AKAP19: variants seen among roughly 807,000 people sequenced by gnomAD.
AKAP19 encodes small A-kinase anchoring protein.
chr2:190,121,586 T>C, the AKAP19 span, among the ~76,000 whole-genome samples: 2 of 152,232 alleles, frequency 1.3e-5, no homozygotes, highest in Non-Finnish European at 2.9e-5. Flanking sequence ...TATTTTCATC[T>C]ATCTCTGGGT....
the AKAP19 span, among the ~76,000 whole-genome samples, chr2:189,906,885 A>T: frequency 6.6e-6 from 1 of 152,192 alleles, no homozygotes; most frequent in Admixed American, 6.5e-5. Context: ...AGAAATTTCA[A>T]TTTCATGTGA....
chr2:190,058,942 A>G, the AKAP19 span, among the ~76,000 whole-genome samples: 130 of 151,874 alleles, frequency 8.6e-4, no homozygotes, highest in Non-Finnish European at 1.7e-3. Context: ...CAATTCATCT[A>G]TGTAGCCAGA....
the AKAP19 span, among the ~76,000 whole-genome samples, chr2:189,882,114 AC>A: frequency 1.3e-5 from 2 of 152,128 alleles, no homozygotes; most frequent in Admixed American, 6.5e-5. Context: ...TCCAAGATAA[AC>A]TTGGGGCTCC....
chr2:190,132,332 C>T, the AKAP19 span, among the ~76,000 whole-genome samples: 9 of 152,146 alleles, frequency 5.9e-5, no homozygotes, highest in East Asian at 7.7e-4. Context: ...CCCTGAATAG[C>T]GAATGCAATC....
the AKAP19 span, among the ~76,000 whole-genome samples, chr2:189,951,205 T>C: frequency 7.1e-6 from 1 of 140,382 alleles, no homozygotes; most frequent in Non-Finnish European, 1.5e-5. Flanking sequence ...TTTTTTTTTT[T>C]TTTTTTTTTT....
the AKAP19 span, among the ~76,000 whole-genome samples, chr2:189,883,835 G>C: frequency 1.3e-5 from 2 of 152,058 alleles, no homozygotes; most frequent in African/African-American, 4.8e-5. Context: ...AACAAAATAA[G>C]AGCAATATAA....
chr2:190,127,204 A>T, the AKAP19 span, among the ~76,000 whole-genome samples: 13 of 152,164 alleles, frequency 8.5e-5, no homozygotes, highest in South Asian at 2.1e-4. Context: ...AAAAAAAAAA[A>T]AAATAAGACA....
At chr2:189,900,538 T>A in the AKAP19 span, among the ~76,000 whole-genome samples, 1 of 152,220 alleles carries the variant, frequency 6.6e-6, no homozygotes, top group African/African-American at 2.4e-5. Context: ...CTCATGAATA[T>A]GAAAATATTT....
At chr2:190,053,479 G>GT in the AKAP19 span, among the ~76,000 whole-genome samples, 3 of 152,026 alleles carry the variant, frequency 2.0e-5, no homozygotes, top group Non-Finnish European at 2.9e-5. Flanking sequence ...ATGCCATCGA[G>GT]GCATGAATGG....
chr2:190,084,859 C>T, the AKAP19 span, among the ~76,000 whole-genome samples: 20 of 152,318 alleles, frequency 1.3e-4, no homozygotes, highest in African/African-American at 4.1e-4. Flanking sequence ...AGGGTTTTAT[C>T]TGGGGACAGA....
the AKAP19 span, among the ~76,000 whole-genome samples, chr2:190,084,789 CA>C: frequency 3.3e-5 from 5 of 152,170 alleles, no homozygotes; most frequent in Admixed American, 3.3e-4. Context: ...TGGACTTTGA[CA>C]AGTTACTTAA....
At chr2:189,999,692 C>T in the AKAP19 span, among the ~76,000 whole-genome samples, 942 of 151,634 alleles carry the variant, frequency 6.2e-3, 4 homozygotes, top group Non-Finnish European at 9.8e-3. Context: ...TTTTGGCACA[C>T]TAAGGCATAC....
chr2:190,098,358 T>A, the AKAP19 span, among the ~76,000 whole-genome samples: 2 of 152,094 alleles, frequency 1.3e-5, no homozygotes, highest in Admixed American at 1.3e-4. Context: ...CATGTATATG[T>A]GAAGATGTAC....
the AKAP19 span, among the ~76,000 whole-genome samples, chr2:190,123,869 C>T: frequency 2.0e-5 from 3 of 152,268 alleles, no homozygotes; most frequent in African/African-American, 7.2e-5. Flanking sequence ...GGCCACCATC[C>T]AATCAGCTGG....
the AKAP19 span, among the ~76,000 whole-genome samples, chr2:190,161,788 A>AT: frequency 2.0e-5 from 3 of 151,880 alleles, no homozygotes; most frequent in Admixed American, 6.6e-5. Flanking sequence ...AGTTGCATTC[A>AT]TTTTTTTTCC....
chr2:190,071,096 C>T, the AKAP19 span, among the ~76,000 whole-genome samples: 2 of 152,106 alleles, frequency 1.3e-5, no homozygotes, highest in African/African-American at 4.8e-5. Flanking sequence ...GTGTTTGTGT[C>T]TTAGTTTTTA....
the AKAP19 span, among the ~76,000 whole-genome samples, chr2:190,175,005 T>TA: frequency 0.42 from 63,922 of 150,484 alleles, 15,821 homozygotes; most frequent in Non-Finnish European, 0.57. Context: ...ATAGATTACA[T>TA]GGAGTACATA....
the AKAP19 span, among the ~76,000 whole-genome samples, chr2:190,144,868 T>C: frequency 6.6e-6 from 1 of 152,080 alleles, no homozygotes; most frequent in South Asian, 2.1e-4. Context: ...TCCCAGCTAC[T>C]TGGGAGGCTG....
chr2:190,108,791 T>TTG, the AKAP19 span, among the ~76,000 whole-genome samples: 1 of 151,254 alleles, frequency 6.6e-6, no homozygotes, highest in Non-Finnish European at 1.5e-5. Flanking sequence ...CGGTTTTTTT[T>TTG]TTTTTTTTTT....
Sources: gnomAD v4.1 joint callset for allele counts (sites outside exome capture counted in the v4.1 genomes callset) on GRCh38, gnomAD v4.1.1 for gene constraint, MANE v1.5 for transcripts, NCBI Gene and HGNC (gene_info 2026-07-23, HGNC 2026-07-21) for gene names.